The following CIP2A variants were observed in gnomAD, a reference collection of about 807,000 sequenced individuals.
CIP2A encodes the protein cellular inhibitor of PP2A.
Under a neutral mutation model 110.9 loss-of-function variants are expected in CIP2A, and 103 were observed. The ratio of observed to expected loss-of-function variants is 0.93; its 90% confidence interval spans 0.79 to 1.09. The LOEUF (loss-of-function observed/expected upper bound fraction) is 1.09, where lower values mean the gene tolerates loss of function less well. CIP2A is among the 50% of genes least tolerant of loss of function. The pLI is 0.00. For missense variants in CIP2A, 1,088 were observed against 1,038.4 expected, an observed-to-expected ratio of 1.05 and a Z score of -0.66; for synonymous variants, 381 against 361.6, an observed-to-expected ratio of 1.05 and a Z score of -0.61.
At chr3:108,566,432 A>C in intron 11 of CIP2A, 65 bp downstream of exon 11, 1 of 1,267,198 alleles carries the variant, frequency 7.9e-7, no homozygotes, top group Non-Finnish European at 1.1e-6. Context: ...CAAAAGGATG[A>C]GAATCACCAC....
rs745883711 is a variant in CIP2A, at chr3:108,559,883, T to A, written c.1903-16A>T. Reference sequence around the variant, plus strand: ...TTTCTTTGGACTACAAGAAAACATATCATTAATTTTCATTTTAGGAATACA... The same window carrying A: ...TTTCTTTGGACTACAAGAAAACATAACATTAATTTTCATTTTAGGAATACA... On this transcript the variant is annotated splice_polypyrimidine_tract_variant and intron_variant, in intron 15 of 20. Coordinates refer to ENST00000295746, the MANE Select transcript of CIP2A (RefSeq NM_020890.3). 2.5e-6 allele frequency: 4 copies of A among 1,591,808 alleles called. No individual in the cohort carries two copies. The African/African-American group carries it at 5.4e-5, about 21-fold the overall frequency.
intron 19 of CIP2A, among the ~76,000 whole-genome samples, 156 bp from the exon 20 acceptor site, chr3:108,552,529 C>T (rs1328621070): frequency 1.3e-5 from 2 of 152,060 alleles, no homozygotes; most frequent in African/African-American, 4.8e-5. Flanking sequence ...ACCAAATCTC[C>T]ATGTCTTTCT....
intron 17 of CIP2A, among the ~76,000 whole-genome samples, chr3:108,555,847 T>G (rs1937781873): frequency 6.6e-6 from 1 of 152,208 alleles, no homozygotes; most frequent in African/African-American, 2.4e-5. Context: ...AACTTCCACT[T>G]TCCTGAAATT....
At chr3:108,568,560 C>T (rs10933950) in intron 9 of CIP2A, among the ~76,000 whole-genome samples, 54,103 of 151,724 alleles carry the variant, frequency 0.36, 10,209 homozygotes, top group East Asian at 0.53. Flanking sequence ...TTTAAACAGA[C>T]TTTGTGATTT....
intron 8 of CIP2A, among the ~76,000 whole-genome samples, chr3:108,575,417 TATACATGTATAC>T (rs1938553335): frequency 1.0e-5 from 1 of 95,454 alleles, no homozygotes; most frequent in Non-Finnish European, 2.5e-5. Context: ...TATGTATACA[TATACATGTATAC>T]ATACACATAC....
chr3:108,577,831 G>A (rs1360195057), intron 7 of CIP2A, among the ~76,000 whole-genome samples: 4 of 152,054 alleles, frequency 2.6e-5, no homozygotes, highest in African/African-American at 4.8e-5. Context: ...CCCAGGAGGC[G>A]GAGGTTGCAG....
intron 3 of CIP2A, 113 bp downstream of exon 3, chr3:108,582,864 T>C (rs1576319416): frequency 2.1e-6 from 1 of 465,546 alleles, no homozygotes; most frequent in East Asian, 3.5e-5. Context: ...TGCCTAATCA[T>C]GTAGTATTTA....
chr3:108,579,725 T>C lies in CIP2A; in HGVS notation c.550-37A>G, dbSNP rs372295142. ...AAAGTTAAAAAATAAATTAGAATTATAAATTTTATGTTTTGGTTTAAAAAG... is the reference window on the plus strand; with the variant it reads ...AAAGTTAAAAAATAAATTAGAATTACAAATTTTATGTTTTGGTTTAAAAAG... On this transcript the variant is annotated intron_variant, in intron 5 of 20. Coordinates refer to ENST00000295746, the MANE Select transcript of CIP2A (RefSeq NM_020890.3). 3.6e-6 allele frequency: 5 copies of C among 1,370,584 alleles called. No homozygotes were observed. The African/African-American group carries it at 7.5e-5, about 21-fold the overall frequency. The allele number at this position is 1,370,584 out of a possible 1,614,324, so 84.9% of individuals were successfully genotyped here.
intron 9 of CIP2A, 53 bp from the exon 10 acceptor site, chr3:108,568,367 C>T: frequency 6.9e-7 from 1 of 1,455,472 alleles, no homozygotes. Flanking sequence ...ATATACAATA[C>T]AGAAAAAGTC....
chr3:108,560,129 A>G (rs1357853010), intron 14 of CIP2A, 101 bp from the exon 15 acceptor site: 1 of 664,254 alleles, frequency 1.5e-6, no homozygotes, highest in African/African-American at 1.8e-5. Flanking sequence ...AAACTTAATG[A>G]TGAGTAACAA....
chr3:108,555,220 T>G (rs1320336155), intron 17 of CIP2A, among the ~76,000 whole-genome samples: 1 of 152,140 alleles, frequency 6.6e-6, no homozygotes. Context: ...AAACCACGTA[T>G]TTTTCTTGGA....
rs1295637943 is a variant in CIP2A, at chr3:108,585,228, C to A, written c.103-16G>T. The A allele has an allele frequency of 3.8e-6, 6 of 1,586,798 alleles. No individual in the cohort carries two copies. Among genetic ancestry groups the A allele is most frequent in the African/African-American group, 1.4e-5 (1 of 73,894 alleles). Reference sequence around the variant, plus strand: ...CAGAAATTACCTATAAAATAGTAATCAAAATGTGTTGGTTAAGCGATGGCA... The same window carrying A: ...CAGAAATTACCTATAAAATAGTAATAAAAATGTGTTGGTTAAGCGATGGCA... On this transcript the variant is annotated splice_polypyrimidine_tract_variant and intron_variant, in intron 1 of 20. Transcript: ENST00000295746.
At chr3:108,576,244 TAA>T (rs1559700010) in intron 8 of CIP2A, 25 bp downstream of exon 8, 2 of 1,434,240 alleles carry the variant, frequency 1.4e-6, no homozygotes, top group Admixed American at 4.8e-5. Context: ...TTTAAAAGTT[TAA>T]ATGAAAAGTC....
rs1392835015 is a variant in CIP2A at position 108,573,673 on chromosome 3, C to T, written c.894+2598G>A. ...CACTTTCTTAAGATCCATTTAGATA[C>T]TAATTAGAAATAGTTCTCATATTGC... On this transcript the variant is annotated intron_variant, in intron 8 of 20. Coordinates refer to ENST00000295746, the MANE Select transcript of CIP2A (RefSeq NM_020890.3). 2.6e-5 allele frequency among the ~76,000 whole-genome samples: 4 copies of T among 151,928 alleles called. No individual in the cohort carries two copies. In the East Asian group the frequency reaches 5.8e-4, roughly 22 times the overall value.
intron 1 of CIP2A, among the ~76,000 whole-genome samples, chr3:108,587,372 C>T (rs1939077986): frequency 6.6e-6 from 1 of 151,966 alleles, no homozygotes; most frequent in Non-Finnish European, 1.5e-5. Context: ...GGTACATGTG[C>T]AACATGAATT....
chr3:108,566,953 T>C (rs908987005), intron 10 of CIP2A, among the ~76,000 whole-genome samples: 8 of 151,858 alleles, frequency 5.3e-5, no homozygotes, highest in Admixed American at 4.6e-4. Context: ...TAAGTTGTTT[T>C]GTCATATTTG....
chr3:108,588,045 T>C (rs921894944), intron 1 of CIP2A, among the ~76,000 whole-genome samples: 1 of 152,224 alleles, frequency 6.6e-6, no homozygotes, highest in Non-Finnish European at 1.5e-5. Context: ...CCCAAAGTGC[T>C]GGGATTACAG....
At chr3:108,553,888 T>TAAAAA (rs1937680703) in intron 18 of CIP2A, among the ~76,000 whole-genome samples, 158 bp from the exon 19 acceptor site, 1 of 3,066 alleles carries the variant, frequency 3.3e-4, no homozygotes, top group Non-Finnish European at 6.4e-4. Context: ...CCGTCTCTAC[T>TAAAAA]AAAAATATAA....
intron 7 of CIP2A, among the ~76,000 whole-genome samples, chr3:108,578,783 G>T (rs1938764119): frequency 6.6e-6 from 1 of 151,958 alleles, no homozygotes; most frequent in Admixed American, 6.6e-5. Context: ...GAGATAGAAA[G>T]GACATATGTT....
Sources: gnomAD v4.1 joint callset for allele counts (sites outside exome capture counted in the v4.1 genomes callset) on GRCh38, gnomAD v4.1.1 for gene constraint, MANE v1.5 for transcripts, NCBI Gene and HGNC (gene_info 2026-07-23, HGNC 2026-07-21) for gene names.